Variants in ADAMTS15 observed in about 807,000 individuals in gnomAD.
The protein encoded by ADAMTS15 is A disintegrin and metalloproteinase with thrombospondin motifs 15.
A neutral mutation model predicts 79.1 loss-of-function variants in ADAMTS15; 35 were observed. The ratio of observed to expected loss-of-function variants is 0.44; its 90% CI spans 0.34 to 0.59. ADAMTS15 has a LOEUF of 0.59. ADAMTS15 is among the 20% of genes least tolerant of loss of function. The probability of loss-of-function intolerance (pLI) is 0.02; values close to 1 mark genes in which losing one functional copy is unlikely to be tolerated. For synonymous variants in ADAMTS15, 616 were observed against 567.3 expected, an observed-to-expected ratio of 1.09 and a Z score of -1.22; for missense variants, 1,324 against 1,318.7, an observed-to-expected ratio of 1.00 and a Z score of -0.06.
chr11:130,469,054 G>C (rs1446493464), intron 4 of ADAMTS15, among the ~76,000 whole-genome samples: 1 of 151,688 alleles, frequency 6.6e-6, no homozygotes, highest in South Asian at 2.1e-4. Context: ...AGCAGTTGCT[G>C]TTTGCTCATT....
Position 130,462,114 on chromosome 11 carries a change from A to T in ADAMTS15, c.1118A>T (p.Asn373Ile), listed in dbSNP as rs1242176596. The T allele has an allele frequency of 6.8e-6, 11 of 1,613,798 alleles. 1 individual carries two copies. Among genetic ancestry groups the T allele is most frequent in the Admixed American group, 3.3e-5 (2 of 59,990 alleles). ...CACGTGTTCAACATGCCCCATGACAATGTGAAAGTCTGTGAGGAGGTGTTT... is the reference window on the plus strand; with the variant it reads ...CACGTGTTCAACATGCCCCATGACATTGTGAAAGTCTGTGAGGAGGTGTTT... ...LGHVFNMPHD[N>I]VKVCEEVFGK... is the part of the protein sequence containing the mutation. Residue 373 changes from asparagine (N) to isoleucine (I), a missense_variant, in exon 3 of 8, where the codon AAT becomes ATT. Physicochemically the swap from Asn to Ile is moderately radical, Grantham distance 149. Transcript: ENST00000299164. This position sits in a 1 kb window ranked among gnomAD's most constrained non-coding sequence, Gnocchi z 4.3.
Position 130,462,745 on chromosome 11 carries a change from G to A in ADAMTS15, c.1507G>A (p.Ala503Thr), listed in dbSNP as rs201611580. The A allele has an allele frequency of 1.2e-5, 19 of 1,602,134 alleles. No individual in the cohort carries two copies. In the East Asian group the frequency reaches 3.8e-4, roughly 32 times the overall value. Residue 503 changes from alanine to threonine, a missense_variant, in exon 4 of 8, where the codon GCC becomes ACC. Physicochemically the swap from Ala to Thr is moderately conservative, Grantham distance 58 (BLOSUM62 0). Transcript: ENST00000299164. The surrounding 1 kb of genome is among the most constrained non-coding windows in gnomAD (Gnocchi z 4.3). Reference sequence around the variant, plus strand: ...CGAGGGCAAGCTCTGCCTCAAAGGGGCCTGCGTGGAGAGACACAACCTCAA... The same window carrying A: ...CGAGGGCAAGCTCTGCCTCAAAGGGACCTGCGTGGAGAGACACAACCTCAA... ...CGEGKLCLKG[A>T]CVERHNLNKH...
Position 130,462,365 on chromosome 11 carries a change from C to T in ADAMTS15, c.1258+111C>T, listed in dbSNP as rs575130061. ...CTCTGTACATTAGGTGTGTGTGCCC[C>T]CTCGGAGCCGGGCTCTGACATGAGT... On this transcript the variant is annotated intron_variant, in intron 3 of 7. Transcript: ENST00000299164. The surrounding 1 kb of genome is among the most constrained non-coding windows in gnomAD (Gnocchi z 4.3). 1.9e-5 allele frequency: 28 copies of T among 1,485,062 alleles called. No individual in the cohort carries two copies. In the East Asian group the frequency reaches 6.0e-4, roughly 32 times the overall value. The allele number at this position is 1,485,062 out of a possible 1,614,324, so 92.0% of individuals were successfully genotyped here. A position where few individuals can be genotyped will look rare whatever the true frequency, so the allele number is the denominator to read the frequency against.
rs1298298686 is a variant in ADAMTS15, at chr11:130,475,734, C to T, written c.*1913C>T. ...TAAGTGAACAGGAACCCCTCTGTGC[C>T]AGTGACCACTGTGGGGCTAAAGGGA... is the stretch of plus-strand genomic sequence containing the variant. On this transcript the variant is annotated 3_prime_UTR_variant, in exon 8 of 8. Coordinates refer to ENST00000299164, the MANE Select transcript of ADAMTS15 (RefSeq NM_139055.4). The T allele has an allele frequency of 6.6e-6, 1 of 152,426 alleles. No homozygotes were observed. Among genetic ancestry groups the T allele is most frequent in the Non-Finnish European group, 1.5e-5 (1 of 68,202 alleles). The allele number at this position is 152,426 out of a possible 1,614,324, so 9.4% of individuals were successfully genotyped here. A position where few individuals can be genotyped will look rare whatever the true frequency, so the allele number is the denominator to read the frequency against.
rs1938396430 is a variant in ADAMTS15, at chr11:130,470,140, A to ATATATATATACG, written c.1720+711_1720+712insCGTATATATATA. ...GAATCATATATATATATACATATAT[A>ATATATATATACG]TATATATATATGTGTATATATATAT... On this transcript the variant is annotated intron_variant, in intron 5 of 7. Coordinates refer to ENST00000299164, the MANE Select transcript of ADAMTS15 (RefSeq NM_139055.4). Among the ~76,000 whole-genome samples, 2 of 65,694 alleles carry ATATATATATACG rather than the reference A, an allele frequency of 3.0e-5. 1 individual carries two copies. Among genetic ancestry groups the ATATATATATACG allele is most frequent in the African/African-American group, 1.7e-4 (2 of 12,018 alleles). The allele number at this position is 65,694 out of a possible 152,430, so 43.1% of individuals were successfully genotyped here.
rs372046155 is a variant in ADAMTS15, at chr11:130,473,599, C to T, written c.2631C>T (p.Ala877=). 2.2e-5 allele frequency: 36 copies of T among 1,609,764 alleles called. No homozygotes were observed. In the African/African-American group the frequency reaches 4.1e-4, roughly 19 times the overall value. The change falls in exon 8 of 8, where the codon GCC becomes GCT. Residue 877 remains alanine (A), a synonymous_variant. Transcript: ENST00000299164. ...CCGCCGGGCAGCGCACGGTCCCTGC[C>T]TGTGATGCAGCCCATCGGCCCGTGG... is the stretch of plus-strand genomic sequence containing the variant. The part of the protein sequence containing the change: ...RGSAGQRTVP[A]CDAAHRPVET...
chr11:130,465,495 C>G (rs1938281751), intron 4 of ADAMTS15, among the ~76,000 whole-genome samples: 1 of 152,198 alleles, frequency 6.6e-6, no homozygotes, highest in Admixed American at 6.5e-5. Context: ...GATCCCACTT[C>G]CTCTGTGGTC....
At chr11:130,471,946 A>C (rs1158305598) in intron 7 of ADAMTS15, among the ~76,000 whole-genome samples, 1 of 152,266 alleles carries the variant, frequency 6.6e-6, no homozygotes, top group African/African-American at 2.4e-5. Flanking sequence ...GATTGAGGTG[A>C]GAATGGCAAT....
chr11:130,470,172 A>ATATACATG (rs1938411488), intron 5 of ADAMTS15, among the ~76,000 whole-genome samples: 2 of 58,462 alleles, frequency 3.4e-5, no homozygotes, highest in African/African-American at 2.0e-4. Flanking sequence ...ATATATATAT[A>ATATACATG]TATATATATG....
rs1328670295 is a variant in ADAMTS15, at chr11:130,471,012, C to T, written c.1813C>T (p.Pro605Ser). The change falls in exon 6 of 8, where the codon CCC becomes TCC. Residue 605 changes from proline to serine, a missense_variant. Physicochemically the swap from Pro to Ser is moderately conservative, Grantham distance 74. Coordinates refer to ENST00000299164, the MANE Select transcript of ADAMTS15 (RefSeq NM_139055.4). ...NRLTLAVAWV[P>S]KYSGVSPRDK... is the part of the protein sequence containing the mutation. Reference sequence around the variant, plus strand: ...GCTCACTCTCGCCGTGGCATGGGTGCCCAAGTACTCCGGCGTGTCTCCCCG... The same window carrying T: ...GCTCACTCTCGCCGTGGCATGGGTGTCCAAGTACTCCGGCGTGTCTCCCCG... 2.5e-6 allele frequency: 4 copies of T among 1,613,822 alleles called. No homozygotes were observed. The highest frequency in any genetic ancestry group is 1.7e-5 in the Admixed American group (1 of 60,024).
Position 130,475,882 on chromosome 11 carries a change from CAGG to C in ADAMTS15, c.*2062_*2064del, listed in dbSNP as rs1938574645. 1.7e-5 allele frequency: 1 copy of C among 57,560 alleles called. No individual in the cohort carries two copies. Among genetic ancestry groups the C allele is most frequent in the Admixed American group, 2.8e-4 (1 of 3,590 alleles). The allele number at this position is 57,560 out of a possible 1,614,324, so 3.6% of individuals were successfully genotyped here. A position where few individuals can be genotyped will look rare whatever the true frequency, so the allele number is the denominator to read the frequency against. On this transcript the variant is annotated 3_prime_UTR_variant, in exon 8 of 8. Transcript: ENST00000299164. ...GTGGCATGGGGTCTGTGCGGGATGG[CAGG>C]GGGATTGGGTGGGTGGGAAGAGAGG...
chr11:130,451,040 T>A (rs1176981372), intron 1 of ADAMTS15, among the ~76,000 whole-genome samples: 2 of 152,200 alleles, frequency 1.3e-5, no homozygotes, highest in Admixed American at 1.3e-4. Flanking sequence ...TCACAGGTGT[T>A]GGAGTGATTG....
rs1345384030 is a variant in ADAMTS15, at chr11:130,472,756, C to T, written c.2079-291C>T. Among the ~76,000 whole-genome samples, 5 of 151,268 alleles carry T rather than the reference C, an allele frequency of 3.3e-5. No homozygotes were observed. Among genetic ancestry groups the T allele is most frequent in the African/African-American group, 1.2e-4 (5 of 40,878 alleles). ...TATCCTTGATGTGTGCCAGGCACCACGCTACATGCTTTCTGTGCTTTGGTG... is the reference window on the plus strand; with the variant it reads ...TATCCTTGATGTGTGCCAGGCACCATGCTACATGCTTTCTGTGCTTTGGTG... On this transcript the variant is annotated intron_variant, in intron 7 of 7. Coordinates refer to ENST00000299164, the MANE Select transcript of ADAMTS15 (RefSeq NM_139055.4). The surrounding 1 kb of genome is among the most constrained non-coding windows in gnomAD (Gnocchi z 4.7).
rs141137210 is a variant in ADAMTS15, at chr11:130,451,602, G to A, written c.957+1672G>A. The stretch of plus-strand genomic sequence containing the variant: ...TGAAAAAAAGCAAAGGCCAAGAACA[G>A]GATATCTTAATGGGCAAAGCAGCTG... On this transcript the variant is annotated intron_variant, in intron 1 of 7. Coordinates refer to ENST00000299164, the MANE Select transcript of ADAMTS15 (RefSeq NM_139055.4). Among the ~76,000 whole-genome samples the A allele has an allele frequency of 2.0e-5, 3 of 152,192 alleles. No homozygotes were observed. In the East Asian group the frequency reaches 5.8e-4, roughly 30 times the overall value.
chr11:130,460,948 G>A (rs1355438200), intron 1 of ADAMTS15, among the ~76,000 whole-genome samples: 1 of 152,198 alleles, frequency 6.6e-6, no homozygotes, highest in East Asian at 1.9e-4. Context: ...CCACCTCAAT[G>A]CTTCCTCCCA....
At position 130,474,283 on chromosome 11, in the gene ADAMTS15, C is replaced by G. The variant is rs1938531621; in HGVS notation, c.*462C>G. 1 of 162,384 alleles carries G rather than the reference C, an allele frequency of 6.2e-6. No individual in the cohort carries two copies. The highest frequency in any genetic ancestry group is 1.3e-5 in the Non-Finnish European group (1 of 74,644). The allele number at this position is 162,384 out of a possible 1,614,324, so 10.1% of individuals were successfully genotyped here. ...GGGTTTTCACGGTGCTTTTAGCCCA[C>G]TTTCCTTTTTGAACTGACATGGACT... On this transcript the variant is annotated 3_prime_UTR_variant, in exon 8 of 8. Transcript: ENST00000299164.
Position 130,473,121 on chromosome 11 carries a change from G to A in ADAMTS15, c.2153G>A (p.Gly718Glu), listed in dbSNP as rs1169449812. Reference sequence around the variant, plus strand: ...GACATCCGCCAGCGCGGTTACAAAGGGCTGATCGGGGATGACAACTACCTG... The same window carrying A: ...GACATCCGCCAGCGCGGTTACAAAGAGCTGATCGGGGATGACAACTACCTG... ...SIDIRQRGYK[G>E]LIGDDNYLAL... is the part of the protein sequence containing the mutation. Residue 718 changes from glycine to glutamate, a missense_variant, in exon 8 of 8, where the codon GGG becomes GAG. By Grantham distance (98) the Gly-to-Glu change is moderately conservative. Coordinates refer to ENST00000299164, the MANE Select transcript of ADAMTS15 (RefSeq NM_139055.4). 6.2e-7 allele frequency: 1 copy of A among 1,614,108 alleles called. No individual in the cohort carries two copies. Among genetic ancestry groups the A allele is most frequent in the Non-Finnish European group, 8.5e-7 (1 of 1,180,046 alleles).
chr11:130,450,107 G>T, intron 1 of ADAMTS15, 177 bp downstream of exon 1: 1 of 985,492 alleles, frequency 1.0e-6, no homozygotes, highest in Non-Finnish European at 1.2e-6. Flanking sequence ...GCTCCGCGGA[G>T]CGGCGGCTCA....
chr11:130,473,031 C>T lies in ADAMTS15; in HGVS notation c.2079-16C>T, dbSNP rs1031973160. ...CAGGCTTCTATCTGATGCACGGCCC[C>T]CCTTTCCCCCGCCAGGCATGGCTAC... On this transcript the variant is annotated splice_polypyrimidine_tract_variant and intron_variant, in intron 7 of 7. Transcript: ENST00000299164. 1.2e-6 allele frequency: 2 copies of T among 1,611,678 alleles called. No individual in the cohort carries two copies. The highest frequency in any genetic ancestry group is 2.2e-5 in the East Asian group (1 of 44,844).
Sources: allele counts gnomAD v4.1 joint callset (sites outside exome capture counted in the v4.1 genomes callset), GRCh38; gene constraint gnomAD v4.1.1; non-coding constraint Gnocchi (gnomAD v3.1); transcripts MANE v1.5; gene names NCBI Gene and HGNC (gene_info 2026-07-23, HGNC 2026-07-21).